Variants in SLTM observed in about 807,000 individuals in gnomAD.
The protein encoded by SLTM is SAFB-like transcription modulator.
SLTM carries 43 observed loss-of-function variants against 134.6 expected under a neutral mutation model. The observed-to-expected ratio is 0.32, with a 90% CI of 0.25 to 0.41. SLTM has a LOEUF of 0.41. Among genes scored for constraint, SLTM ranks in the 10% least tolerant of loss-of-function variants. The probability of loss-of-function intolerance (pLI) is 1.00; values close to 1 mark genes in which losing one functional copy is unlikely to be tolerated. For synonymous variants in SLTM, 424 were observed against 432.3 expected, an observed-to-expected ratio of 0.98 and a Z score of 0.24; for missense variants, 1,055 against 1,288.8, an observed-to-expected ratio of 0.82 and a Z score of 2.78.
At chr15:58,933,239 G>A (rs1205915732) in intron 1 of SLTM, among the ~76,000 whole-genome samples, 165 bp downstream of exon 1, 2 of 151,816 alleles carry the variant, frequency 1.3e-5, no homozygotes, top group East Asian at 2.0e-4. Flanking sequence ...CACCGCGGAA[G>A]GGTCCCCGTC....
Position 58,899,200 on chromosome 15 carries a change from G to A in SLTM, c.1058+269C>T. On this transcript the variant is annotated intron_variant, in intron 7 of 20. Transcript: ENST00000380516. The surrounding 1 kb of genome is among the most constrained non-coding windows in gnomAD (Gnocchi z 5.0). Reference sequence around the variant, plus strand: ...TTAAAAAATAAAACACAAAAAAATTGTCAATTTGAAAAAAAAAAACAAAAA... The same window carrying A: ...TTAAAAAATAAAACACAAAAAAATTATCAATTTGAAAAAAAAAAACAAAAA... The A allele has an allele frequency of 2.3e-6, 1 of 427,106 alleles. No individual in the cohort carries two copies. The highest frequency in any genetic ancestry group is 4.1e-6 in the Non-Finnish European group (1 of 243,964). 26.5% of individuals were successfully genotyped at this position (427,106 alleles called of 1,614,324 possible).
At chr15:58,928,417 T>G (rs1027574358) in intron 2 of SLTM, among the ~76,000 whole-genome samples, 2 of 152,142 alleles carry the variant, frequency 1.3e-5, no homozygotes. Context: ...ACAAAGAGAG[T>G]GTGAAGACTC....
intron 2 of SLTM, among the ~76,000 whole-genome samples, chr15:58,931,998 G>A (rs2037912328): frequency 6.6e-6 from 1 of 152,212 alleles, no homozygotes; most frequent in African/African-American, 2.4e-5. Context: ...CAAGGTAAAA[G>A]ATTTGGTAGG....
At chr15:58,927,380 C>A (rs1363702494) in intron 2 of SLTM, among the ~76,000 whole-genome samples, 2 of 152,110 alleles carry the variant, frequency 1.3e-5, no homozygotes, top group African/African-American at 4.8e-5. Context: ...AGAGATTCTC[C>A]TGCCTCGGCC....
chr15:58,885,541 T>C (rs1399198122), intron 19 of SLTM, among the ~76,000 whole-genome samples: 1 of 152,154 alleles, frequency 6.6e-6, no homozygotes, highest in Non-Finnish European at 1.5e-5. Context: ...ATGCTTGTAA[T>C]TCCAGCACTT....
chr15:58,894,143 C>G lies in SLTM; in HGVS notation c.1428G>C (p.Lys476Asn), dbSNP rs1219325201. The stretch of plus-strand genomic sequence containing the variant: ...TATCTCCAGAACTTCTTGAACTACT[C>G]TTTTCATCATTTTCTTTCTTCATTT... ...KKEMKKENDEKSSSRSSGDKK... is the reference protein window; with the variant it reads ...KKEMKKENDENSSSRSSGDKK... Residue 476 changes from lysine to asparagine, a missense_variant, in exon 11 of 21, where the codon AAG (lysine) becomes AAC (asparagine). Transcript: ENST00000380516. 1.2e-6 allele frequency: 2 copies of G among 1,612,180 alleles called. No homozygotes were observed. The highest frequency in any genetic ancestry group is 1.7e-6 in the Non-Finnish European group (2 of 1,179,204).
intron 15 of SLTM, chr15:58,890,071 G>C: frequency 1.7e-6 from 1 of 590,022 alleles, no homozygotes; most frequent in Admixed American, 3.0e-5. Flanking sequence ...TGCAGAGCTA[G>C]AATTATTACC....
At chr15:58,926,308 C>T (rs2037461941) in intron 2 of SLTM, among the ~76,000 whole-genome samples, 2 of 152,066 alleles carry the variant, frequency 1.3e-5, no homozygotes, top group African/African-American at 4.8e-5. Context: ...CTACCTTCAA[C>T]AAAACACCAT....
rs530162014 is a variant in SLTM at position 58,919,031 on chromosome 15, C to T, written c.251-2032G>A. Among the ~76,000 whole-genome samples, 10 of 152,184 alleles carry T rather than the reference C, an allele frequency of 6.6e-5. No individual in the cohort carries two copies. In the East Asian group the frequency reaches 1.9e-3, roughly 29 times the overall value. On this transcript the variant is annotated intron_variant, in intron 2 of 20. Coordinates refer to ENST00000380516, the MANE Select transcript of SLTM (RefSeq NM_024755.4). Reference sequence around the variant, plus strand: ...CCGAGTTCAAGCGATTCTCCTGCCTCAGCCTCCTGTAGTAGGACTACAGGC... The same window carrying T: ...CCGAGTTCAAGCGATTCTCCTGCCTTAGCCTCCTGTAGTAGGACTACAGGC...
chr15:58,881,619 G>C (rs1284870246), intron 20 of SLTM, among the ~76,000 whole-genome samples: 1 of 152,136 alleles, frequency 6.6e-6, no homozygotes, highest in East Asian at 1.9e-4. Flanking sequence ...CTGTGACCTG[G>C]AGCAGCTGCT....
intron 15 of SLTM, 70 bp downstream of exon 15, chr15:58,890,211 G>A (rs2034547420): frequency 6.4e-7 from 1 of 1,568,030 alleles, no homozygotes; most frequent in Non-Finnish European, 8.7e-7. Flanking sequence ...AGTAAAGCAA[G>A]TTTTAGGGCT....
At chr15:58,912,030 T>G (rs1306456909) in intron 5 of SLTM, among the ~76,000 whole-genome samples, 4 of 151,854 alleles carry the variant, frequency 2.6e-5, no homozygotes, top group African/African-American at 9.7e-5. Flanking sequence ...TTTCTAAAAC[T>G]CTGAAAATGA....
At chr15:58,914,672 C>T in intron 3 of SLTM, among the ~76,000 whole-genome samples, 1 of 152,128 alleles carries the variant, frequency 6.6e-6, no homozygotes, top group Non-Finnish European at 1.5e-5. Flanking sequence ...GAAACTTCAC[C>T]TATTCTAAGG....
At chr15:58,883,491 T>C (rs1407206469) in intron 20 of SLTM, 135 bp downstream of exon 20, 3 of 1,137,068 alleles carry the variant, frequency 2.6e-6, no homozygotes, top group East Asian at 4.8e-5. Context: ...AGACTACGGG[T>C]TGATACAGGG....
chr15:58,922,354 G>A (rs1244160912), intron 2 of SLTM, among the ~76,000 whole-genome samples: 1 of 107,100 alleles, frequency 9.3e-6, no homozygotes, highest in East Asian at 2.5e-4. Flanking sequence ...TCCAGTCTGG[G>A]TGACAAGAGC....
intron 10 of SLTM, 31 bp downstream of exon 10, chr15:58,894,402 C>T: frequency 6.2e-7 from 1 of 1,612,328 alleles, no homozygotes; most frequent in South Asian, 1.1e-5. Flanking sequence ...TCAAATTAGA[C>T]TTGCTTTGAT....
intron 14 of SLTM, among the ~76,000 whole-genome samples, chr15:58,891,429 C>T (rs182773953): frequency 2.0e-5 from 3 of 152,174 alleles, no homozygotes; most frequent in African/African-American, 7.2e-5. Context: ...TTAATAAATA[C>T]TGTTTGCTTT....
intron 2 of SLTM, among the ~76,000 whole-genome samples, chr15:58,920,627 T>TAATAAATAAATA (rs71119418): frequency 0.025 from 3,550 of 139,660 alleles, 48 homozygotes; most frequent in East Asian, 0.043. Flanking sequence ...CATCTCAAAA[T>TAATAAATAAATA]AATAAATAAA....
chr15:58,879,604 C>T lies in SLTM; in HGVS notation c.*395G>A, dbSNP rs2033536079. 6.3e-6 allele frequency: 1 copy of T among 158,110 alleles called. No homozygotes were observed. Among genetic ancestry groups the T allele is most frequent in the South Asian group, 1.9e-4 (1 of 5,158 alleles). The allele number at this position is 158,110 out of a possible 1,614,324, so 9.8% of individuals were successfully genotyped here. On this transcript the variant is annotated 3_prime_UTR_variant, in exon 21 of 21. Transcript: ENST00000380516. ...GCTAAGACTTCTTAAGTGTAGACAG[C>T]CTTCAAAATGGAGGCTGAAAATGCT... is the stretch of plus-strand genomic sequence containing the variant.
Sources: gnomAD v4.1 joint callset for allele counts (sites outside exome capture counted in the v4.1 genomes callset) on GRCh38, gnomAD v4.1.1 for gene constraint, Gnocchi (gnomAD v3.1) non-coding constraint, MANE v1.5 for transcripts, NCBI Gene and HGNC (gene_info 2026-07-23, HGNC 2026-07-21) for gene names.